IHO1: variants seen among roughly 807,000 people sequenced by gnomAD.
IHO1 encodes the protein interactor of HORMAD1 protein 1.
Under a neutral mutation model 31.0 loss-of-function variants are expected in IHO1, and 13 were observed. The ratio of observed to expected loss-of-function variants is 0.42; its 90% CI spans 0.27 to 0.67. IHO1 has a LOEUF of 0.67. Among genes scored for constraint, IHO1 ranks in the 30% least tolerant of loss-of-function variants. IHO1 has a pLI of 0.24. For missense variants in IHO1, 599 were observed against 687.5 expected (o/e 0.87, Z 1.44); for synonymous variants, 221 against 248.4 (o/e 0.89, Z 1.04).
chr3:49,235,185 C>T (rs748022326), intron 2 of IHO1, among the ~76,000 whole-genome samples: 9 of 149,948 alleles, frequency 6.0e-5, no homozygotes, highest in Non-Finnish European at 1.2e-4. Context: ...GTACTCAAAA[C>T]TATGTTTTTG....
intron 3 of IHO1, among the ~76,000 whole-genome samples, chr3:49,238,299 T>G (rs1392726892): frequency 6.6e-6 from 1 of 152,116 alleles, no homozygotes; most frequent in Non-Finnish European, 1.5e-5. Context: ...TTGTTTTGTT[T>G]TGTTTTGTTT....
At chr3:49,203,203 A>G (rs1411847988) in intron 1 of IHO1, among the ~76,000 whole-genome samples, 1 of 152,080 alleles carries the variant, frequency 6.6e-6, no homozygotes, top group African/African-American at 2.4e-5. Flanking sequence ...TTTGAAGGAG[A>G]TAGAGTTGTC....
At chr3:49,228,194 A>G in intron 2 of IHO1, 1 of 326,836 alleles carries the variant, frequency 3.1e-6, no homozygotes, top group Non-Finnish European at 6.1e-6. Flanking sequence ...TGAGAGTTCT[A>G]CTCACAGCCG....
intron 6 of IHO1, among the ~76,000 whole-genome samples, chr3:49,253,828 C>CTTTTTTTTTTTTT (rs139087366): frequency 2.8e-5 from 2 of 72,236 alleles, no homozygotes; most frequent in African/African-American, 5.9e-5. Flanking sequence ...CTTTATTTGT[C>CTTTTTTTTTTTTT]TTTTTTTTTT....
chr3:49,240,063 T>C (rs1280451760), intron 3 of IHO1, among the ~76,000 whole-genome samples: 1 of 152,150 alleles, frequency 6.6e-6, no homozygotes. Flanking sequence ...TCTTTTCTTT[T>C]GAGACAGAGT....
intron 1 of IHO1, among the ~76,000 whole-genome samples, chr3:49,202,636 A>G (rs1455265436): frequency 6.6e-6 from 1 of 151,402 alleles, no homozygotes; most frequent in Non-Finnish European, 1.5e-5. Flanking sequence ...TCGGCCTCCC[A>G]AAGTGCTGGG....
chr3:49,230,423 G>T (rs191272620), intron 2 of IHO1, among the ~76,000 whole-genome samples: 116 of 152,236 alleles, frequency 7.6e-4, no homozygotes, highest in Admixed American at 1.4e-3. Context: ...TGAATGGTTT[G>T]CATTTACAAT....
rs1346092806 is a variant in IHO1, at chr3:49,243,089, C to CT, written c.396-1313dup. 2.0e-5 allele frequency among the ~76,000 whole-genome samples: 3 copies of CT among 152,018 alleles called. No individual in the cohort carries two copies. In the East Asian group the frequency reaches 5.8e-4, roughly 29 times the overall value. On this transcript the variant is annotated intron_variant, in intron 4 of 7. Coordinates refer to ENST00000452691, the MANE Select transcript of IHO1 (RefSeq NM_001135197.2). ...CAACTAGGCCCCAGTGTCTGTTGAT[C>CT]TTCTGTTCATGTCCATGAGTTTTCA... is the stretch of plus-strand genomic sequence containing the variant.
chr3:49,255,700 A>C (rs1465544280), intron 7 of IHO1, among the ~76,000 whole-genome samples: 1 of 151,408 alleles, frequency 6.6e-6, no homozygotes, highest in Non-Finnish European at 1.5e-5. Context: ...ACAGGTGTGC[A>C]CCACCACGCC....
At chr3:49,253,550 C>T (rs925234556) in intron 6 of IHO1, among the ~76,000 whole-genome samples, 1 of 152,166 alleles carries the variant, frequency 6.6e-6, no homozygotes, top group African/African-American at 2.4e-5. Flanking sequence ...CCTTGCTCAC[C>T]ATGTTTCAGC....
At chr3:49,201,390 C>T (rs2046068113) in intron 1 of IHO1, among the ~76,000 whole-genome samples, 1 of 151,712 alleles carries the variant, frequency 6.6e-6, no homozygotes, top group South Asian at 2.1e-4. Flanking sequence ...GGTGGATCAC[C>T]TGAGGTCAGA....
intron 2 of IHO1, among the ~76,000 whole-genome samples, chr3:49,222,536 G>A (rs573775914): frequency 6.6e-6 from 1 of 152,202 alleles, no homozygotes; most frequent in Admixed American, 6.6e-5. Flanking sequence ...ATTAGGATTT[G>A]CATCCCAGCA....
rs2046025693 is a variant in IHO1, at chr3:49,199,513, C to T, written c.-76C>T. ...GCGTGCCGTTGCAGAGGCAGCGGGA[C>T]GCGGCCACCTCGAAGCCACGTCAGG... is the stretch of plus-strand genomic sequence containing the variant. On this transcript the variant is annotated 5_prime_UTR_variant, in exon 1 of 8. In the 5' UTR this introduces an upstream ATG that the reference lacks. Coordinates refer to ENST00000452691, the MANE Select transcript of IHO1 (RefSeq NM_001135197.2). The T allele has an allele frequency of 6.6e-6, 1 of 151,140 alleles. No individual in the cohort carries two copies. The highest frequency in any genetic ancestry group is 1.5e-5 in the Non-Finnish European group (1 of 67,858). 9.4% of individuals were successfully genotyped at this position (151,140 alleles called of 1,614,324 possible). A position where few individuals can be genotyped will look rare whatever the true frequency, so the allele number is the denominator to read the frequency against.
At chr3:49,220,677 G>C (rs2046343557) in intron 2 of IHO1, among the ~76,000 whole-genome samples, 2 of 152,100 alleles carry the variant, frequency 1.3e-5, no homozygotes, top group South Asian at 4.1e-4. Context: ...GACTATACTG[G>C]CTGACACAGT....
At chr3:49,229,339 C>A (rs4955432) in intron 2 of IHO1, among the ~76,000 whole-genome samples, 1 of 152,000 alleles carries the variant, frequency 6.6e-6, no homozygotes. Context: ...CCCTTGCCAG[C>A]GGTGATGATA....
At chr3:49,199,338 T>C (rs1018123599), upstream of IHO1, among the ~76,000 whole-genome samples, 16 of 152,062 alleles carry the variant, frequency 1.1e-4, no homozygotes, top group African/African-American at 3.9e-4. Context: ...CTGGACGGAA[T>C]CCCAGTTGGT....
Position 49,241,395 on chromosome 3 carries a change from T to A in IHO1, c.395+6T>A. 6.3e-7 allele frequency: 1 copy of A among 1,592,460 alleles called. No homozygotes were observed. The highest frequency in any genetic ancestry group is 8.5e-7 in the Non-Finnish European group (1 of 1,170,938). On this transcript the variant is annotated splice_donor_region_variant and intron_variant, in intron 4 of 7. Coordinates refer to ENST00000452691, the MANE Select transcript of IHO1 (RefSeq NM_001135197.2). ...GCAAAAGACAAATGTGACAGGTATG[T>A]AAACCTTTCAAATGGATGAAAGAAC...
rs761042330 is a variant in IHO1 at position 49,228,611 on chromosome 3, C to T, written c.57-7937C>T. ...TCAGGAATGAAGCTGTGGACCTTCG[C>T]GATGAGTGTTACAGCTCTTAAAGAT... On this transcript the variant is annotated intron_variant, in intron 2 of 7. Coordinates refer to ENST00000452691, the MANE Select transcript of IHO1 (RefSeq NM_001135197.2). Among the ~76,000 whole-genome samples, 6 of 152,234 alleles carry T rather than the reference C, an allele frequency of 3.9e-5. No homozygotes were observed. The East Asian group carries it at 5.8e-4, about 15-fold the overall frequency.
chr3:49,199,138 G>C (rs1321002155), upstream of IHO1: 2 of 152,614 alleles, frequency 1.3e-5, no homozygotes, highest in Non-Finnish European at 2.9e-5. Flanking sequence ...GGTGGGCCGA[G>C]GGTGGCCATT....
Sources: gnomAD v4.1 joint callset for allele counts (sites outside exome capture counted in the v4.1 genomes callset) on GRCh38, gnomAD v4.1.1 for gene constraint, MANE v1.5 for transcripts, NCBI Gene and HGNC (gene_info 2026-07-23, HGNC 2026-07-21) for gene names.